The following LARP4B variants were observed in gnomAD, a reference collection of about 807,000 sequenced individuals.
LARP4B encodes La ribonucleoprotein 4B, also known as la-related protein 4B.
Under a neutral mutation model 89.8 loss-of-function variants are expected in LARP4B, and 12 were observed. That is an observed-to-expected ratio of 0.13 (90% CI 0.09 to 0.22). LARP4B has a LOEUF of 0.22. Among genes scored for constraint, LARP4B ranks in the 10% least tolerant of loss-of-function variants. The pLI is 1.00. For synonymous variants in LARP4B, 367 were observed against 363.3 expected (o/e 1.01, Z -0.12); for missense variants, 757 against 947.7 (o/e 0.80, Z 2.64).
intron 5 of LARP4B, among the ~76,000 whole-genome samples, chr10:858,950 G>A (rs978064297): frequency 2.6e-5 from 4 of 152,042 alleles, no homozygotes; most frequent in African/African-American, 4.8e-5. Context: ...TCAGGAGTTC[G>A]AACCCAGCCT....
chr10:978,428 C>T, the LARP4B span, among the ~76,000 whole-genome samples: 1 of 152,138 alleles, frequency 6.6e-6, no homozygotes, highest in East Asian at 1.9e-4. Context: ...TTTATAGCTA[C>T]CATATTATTT....
intron 10 of LARP4B, 25 bp downstream of exon 10, chr10:829,656 A>G: frequency 1.2e-6 from 2 of 1,611,106 alleles, no homozygotes; most frequent in Non-Finnish European, 1.7e-6. Context: ...CAAATAAACA[A>G]AGTATAACCA....
At chr10:869,971 C>G in intron 3 of LARP4B, 2 of 435,394 alleles carry the variant, frequency 4.6e-6, no homozygotes, top group Non-Finnish European at 6.1e-6. Context: ...TATAGCCCAG[C>G]ATACCGCAGC....
chr10:849,073 T>A (rs1403152592), intron 5 of LARP4B, among the ~76,000 whole-genome samples: 1 of 152,060 alleles, frequency 6.6e-6, no homozygotes, highest in Non-Finnish European at 1.5e-5. Context: ...CGCAGCCACC[T>A]CAAGGTAGAC....
intron 1 of LARP4B, among the ~76,000 whole-genome samples, chr10:913,788 A>T (rs1227232787): frequency 1.3e-5 from 2 of 152,214 alleles, no homozygotes; most frequent in South Asian, 2.1e-4. Context: ...GCACGCCTGT[A>T]GTCCCAGCTA....
intron 17 of LARP4B, among the ~76,000 whole-genome samples, chr10:813,975 G>A (rs1434465371): frequency 2.0e-5 from 3 of 151,784 alleles, no homozygotes; most frequent in Non-Finnish European, 4.4e-5. Context: ...CTAATTTTTT[G>A]TATTTTCAGT....
At chr10:957,226 A>G in the LARP4B span, among the ~76,000 whole-genome samples, 1 of 151,856 alleles carries the variant, frequency 6.6e-6, no homozygotes, top group African/African-American at 2.4e-5. Context: ...GCAGTGGCAC[A>G]ATCTCAGCTC....
the LARP4B span, chr10:972,031 ATT>A: frequency 6.7e-6 from 1 of 148,244 alleles, no homozygotes; most frequent in Non-Finnish European, 1.5e-5. Context: ...CTCTCTCTTT[ATT>A]TTTTTTTTGA....
chr10:899,121 T>C (rs1836264912), intron 1 of LARP4B, among the ~76,000 whole-genome samples: 1 of 152,200 alleles, frequency 6.6e-6, no homozygotes, highest in Non-Finnish European at 1.5e-5. Flanking sequence ...TACTTAAATA[T>C]AAGCTAAATA....
At chr10:925,270 A>C (rs1399198547) in intron 1 of LARP4B, among the ~76,000 whole-genome samples, 2 of 152,256 alleles carry the variant, frequency 1.3e-5, no homozygotes, top group East Asian at 3.9e-4. Flanking sequence ...TCATCTTTGC[A>C]TCCCTAGTGT....
At chr10:936,650 G>A (rs1830751380), upstream of LARP4B, among the ~76,000 whole-genome samples, 1 of 152,200 alleles carries the variant, frequency 6.6e-6, no homozygotes, top group South Asian at 2.1e-4. Context: ...TTAAACCCAG[G>A]AGGCTGAGGT....
At chr10:856,027 A>G (rs761501811) in intron 5 of LARP4B, among the ~76,000 whole-genome samples, 1 of 152,268 alleles carries the variant, frequency 6.6e-6, no homozygotes, top group Non-Finnish European at 1.5e-5. Flanking sequence ...CAAAATGAAA[A>G]TAACTTTGAT....
chr10:897,747 C>T (rs1334283808), intron 1 of LARP4B, among the ~76,000 whole-genome samples: 1 of 151,914 alleles, frequency 6.6e-6, no homozygotes, highest in East Asian at 1.9e-4. Flanking sequence ...CAGCACTTTC[C>T]GAGGCCGAAG....
intron 5 of LARP4B, among the ~76,000 whole-genome samples, chr10:858,580 A>G (rs2131815987): frequency 6.6e-6 from 1 of 152,364 alleles, no homozygotes; most frequent in South Asian, 2.1e-4. Context: ...GTACATCAAA[A>G]GACACTTTGA....
At chr10:862,266 A>AC (rs1325767641) in intron 5 of LARP4B, among the ~76,000 whole-genome samples, 1 of 149,080 alleles carries the variant, frequency 6.7e-6, no homozygotes. Flanking sequence ...TAAAAAAAAA[A>AC]AAAAAAAAAA....
At chr10:932,086 G>A (rs530826461), upstream of LARP4B, among the ~76,000 whole-genome samples, 6 of 149,234 alleles carry the variant, frequency 4.0e-5, no homozygotes, top group South Asian at 8.5e-4. Context: ...CTCCGCCACC[G>A]CGTGCGCCCC....
intron 1 of LARP4B, among the ~76,000 whole-genome samples, chr10:891,108 G>A (rs181149324): frequency 2.0e-5 from 3 of 151,428 alleles, no homozygotes; most frequent in East Asian, 3.9e-4. Context: ...ACCTCCTGAC[G>A]GAAATACCAA....
At chr10:856,794 C>A (rs188443108) in intron 5 of LARP4B, among the ~76,000 whole-genome samples, 2 of 152,210 alleles carry the variant, frequency 1.3e-5, no homozygotes, top group African/African-American at 4.8e-5. Flanking sequence ...CCAGAGCACT[C>A]TGTTCTTCTT....
intron 7 of LARP4B, among the ~76,000 whole-genome samples, chr10:838,471 T>C (rs1833343447): frequency 6.6e-6 from 1 of 152,064 alleles, no homozygotes. Flanking sequence ...GGACAGACAC[T>C]TCACAAAAGA....
Sources: allele counts gnomAD v4.1 joint callset (sites outside exome capture counted in the v4.1 genomes callset), GRCh38; gene constraint gnomAD v4.1.1; transcripts MANE v1.5; gene names NCBI Gene and HGNC (gene_info 2026-07-23, HGNC 2026-07-21).